MACROD2: variants seen among roughly 807,000 people sequenced by gnomAD.
The protein encoded by MACROD2 is ADP-ribose glycohydrolase MACROD2.
In MACROD2, 36 loss-of-function variants were observed where a neutral mutation model predicts 70.4. The ratio of observed to expected loss-of-function variants is 0.51; its 90% confidence interval spans 0.39 to 0.68. The LOEUF (loss-of-function observed/expected upper bound fraction) is 0.68, where lower values mean the gene tolerates loss of function less well. MACROD2 is among the 30% of genes least tolerant of loss of function. The pLI is 0.00. For missense variants in MACROD2, 496 were observed against 538.4 expected, an observed-to-expected ratio of 0.92 and a Z score of 0.78; for synonymous variants, 172 against 178.8, an observed-to-expected ratio of 0.96 and a Z score of 0.30.
At chr20:15,470,534 G>A (rs2180525) in intron 7 of MACROD2, among the ~76,000 whole-genome samples, 14,998 of 152,108 alleles carry the variant, frequency 0.099, 839 homozygotes, top group Non-Finnish European at 0.13. Context: ...GGAGTACGGA[G>A]GAAGAGCCAG....
chr20:15,517,780 G>A (rs940493977), intron 8 of MACROD2, among the ~76,000 whole-genome samples: 1 of 152,126 alleles, frequency 6.6e-6, no homozygotes, highest in Non-Finnish European at 1.5e-5. Flanking sequence ...CTCTTTCCTG[G>A]CCCCTCAGCA....
chr20:15,550,629 C>A (rs1011301099), intron 8 of MACROD2, among the ~76,000 whole-genome samples: 1 of 152,070 alleles, frequency 6.6e-6, no homozygotes. Context: ...TATTCAGTTC[C>A]CCAACCAGTT....
intron 4 of MACROD2, among the ~76,000 whole-genome samples, chr20:14,675,298 C>T (rs1318262674): frequency 1.3e-5 from 2 of 152,124 alleles, no homozygotes; most frequent in African/African-American, 4.8e-5. Context: ...TAAATGCAGC[C>T]AGAGAGAAAG....
intron 10 of MACROD2, chr20:15,894,059 C>A (rs1407783842): frequency 2.5e-6 from 1 of 402,188 alleles, no homozygotes; most frequent in African/African-American, 2.1e-5. Context: ...TGGCCGGCCT[C>A]AGCAGGAACA....
chr20:14,342,575 T>A (rs143214115), intron 3 of MACROD2, among the ~76,000 whole-genome samples: 40 of 152,322 alleles, frequency 2.6e-4, no homozygotes, highest in African/African-American at 9.4e-4. Flanking sequence ...AGATGCTTAA[T>A]GTAGTAGTTA....
At chr20:14,512,733 C>G (rs1327300023) in intron 4 of MACROD2, among the ~76,000 whole-genome samples, 1 of 152,038 alleles carries the variant, frequency 6.6e-6, no homozygotes, top group Non-Finnish European at 1.5e-5. Flanking sequence ...TTTGTCCTCT[C>G]GTGCCTCACA....
chr20:15,219,367 A>G (rs1777213015), intron 5 of MACROD2, among the ~76,000 whole-genome samples: 1 of 152,158 alleles, frequency 6.6e-6, no homozygotes, highest in Admixed American at 6.5e-5. Context: ...AATGTAAGCC[A>G]CCCTGCTCCT....
At chr20:15,632,360 A>G (rs989521311) in intron 8 of MACROD2, among the ~76,000 whole-genome samples, 1 of 152,198 alleles carries the variant, frequency 6.6e-6, no homozygotes, top group Admixed American at 6.5e-5. Flanking sequence ...TAGTAATGCA[A>G]ACAAAATGTA....
intron 4 of MACROD2, among the ~76,000 whole-genome samples, chr20:14,624,591 C>T (rs1380042278): frequency 6.6e-6 from 1 of 152,168 alleles, no homozygotes; most frequent in Non-Finnish European, 1.5e-5. Flanking sequence ...GTGTGTGCTA[C>T]TGGGTGTTGG....
At chr20:14,693,001 G>A (rs1447705520) in intron 5 of MACROD2, among the ~76,000 whole-genome samples, 1 of 152,220 alleles carries the variant, frequency 6.6e-6, no homozygotes, top group South Asian at 2.1e-4. Context: ...GAATTAAACA[G>A]CTGTGTTTTG....
intron 3 of MACROD2, among the ~76,000 whole-genome samples, chr20:14,116,658 T>C (rs1420117594): frequency 5.3e-5 from 8 of 152,228 alleles, no homozygotes; most frequent in Admixed American, 5.2e-4. Flanking sequence ...GCAGACTGTG[T>C]TGATTTTTTC....
At chr20:15,230,369 C>G (rs2076949650) in intron 6 of MACROD2, among the ~76,000 whole-genome samples, 1 of 152,102 alleles carries the variant, frequency 6.6e-6, no homozygotes. Context: ...TAGTGGCCAG[C>G]AGATTTAAAG....
chr20:14,233,896 A>T (rs187676279), intron 3 of MACROD2, among the ~76,000 whole-genome samples: 132 of 152,122 alleles, frequency 8.7e-4, no homozygotes, highest in African/African-American at 3.0e-3. Flanking sequence ...GGTTGATAGG[A>T]GTTGAGTAGG....
At position 15,336,205 on chromosome 20, in the gene MACROD2, G is replaced by A. The variant is rs1003091546; in HGVS notation, c.541-95200G>A. 2.0e-5 allele frequency among the ~76,000 whole-genome samples: 3 copies of A among 151,620 alleles called. No individual in the cohort carries two copies. In the South Asian group the frequency reaches 6.2e-4, roughly 31 times the overall value. On this transcript the variant is annotated intron_variant, in intron 6 of 17. Transcript: ENST00000684519. Reference sequence around the variant, plus strand: ...TTTGAGAGGAAGGCATTCCTGTTTTGCAAGTCATTGTAATTTCCCCCGCAG... The same window carrying A: ...TTTGAGAGGAAGGCATTCCTGTTTTACAAGTCATTGTAATTTCCCCCGCAG...
At chr20:15,850,208 A>G (rs1023897900) in intron 8 of MACROD2, among the ~76,000 whole-genome samples, 6 of 152,158 alleles carry the variant, frequency 3.9e-5, no homozygotes, top group African/African-American at 1.4e-4. Context: ...GCATGCCACC[A>G]AGAGCATCAC....
chr20:14,653,490 C>T (rs1410214186), intron 4 of MACROD2, among the ~76,000 whole-genome samples: 3 of 150,884 alleles, frequency 2.0e-5, no homozygotes, highest in South Asian at 2.1e-4. Flanking sequence ...AGTGCTGGGA[C>T]TGCAGGCGTG....
chr20:14,466,165 G>T (rs1259443832), intron 3 of MACROD2, among the ~76,000 whole-genome samples: 1 of 152,096 alleles, frequency 6.6e-6, no homozygotes, highest in East Asian at 1.9e-4. Flanking sequence ...TCACTTTCAG[G>T]TACACAAATT....
chr20:15,207,900 G>A (rs988634815), intron 5 of MACROD2, among the ~76,000 whole-genome samples: 22 of 151,922 alleles, frequency 1.4e-4, no homozygotes, highest in Non-Finnish European at 2.9e-4. Flanking sequence ...ATTCCTTTTT[G>A]TTGTATTCAG....
chr20:14,397,572 A>T (rs1253942471), intron 3 of MACROD2, among the ~76,000 whole-genome samples: 1 of 152,148 alleles, frequency 6.6e-6, no homozygotes, highest in Non-Finnish European at 1.5e-5. Context: ...CATCGTTATA[A>T]ATTTTGCTTT....
Sources: gnomAD v4.1 joint callset for allele counts (sites outside exome capture counted in the v4.1 genomes callset) on GRCh38, gnomAD v4.1.1 for gene constraint, MANE v1.5 for transcripts, NCBI Gene and HGNC (gene_info 2026-07-23, HGNC 2026-07-21) for gene names.